ARB2A: variants seen among roughly 807,000 people sequenced by gnomAD.
ARB2A encodes the protein cotranscriptional regulator ARB2A.
the ARB2A span, among the ~76,000 whole-genome samples, chr5:93,631,794 G>C: frequency 6.7e-6 from 1 of 149,890 alleles, no homozygotes; most frequent in South Asian, 2.2e-4. Flanking sequence ...GGGGGGAGGG[G>C]GATAGGGAGA....
chr5:93,876,986 G>A, the ARB2A span, among the ~76,000 whole-genome samples: 44 of 152,056 alleles, frequency 2.9e-4, no homozygotes, highest in Admixed American at 7.2e-4. Flanking sequence ...GATTTTTGAC[G>A]GATGTCAACA....
At chr5:94,050,597 CA>C in the ARB2A span, 15,064 of 496,206 alleles carry the variant, frequency 0.03, 2 homozygotes, top group South Asian at 0.039. Context: ...TAAAAAGGAA[CA>C]AAAAAAAAAA....
the ARB2A span, among the ~76,000 whole-genome samples, chr5:93,883,835 CGTGA>C: frequency 4.0e-5 from 6 of 150,344 alleles, no homozygotes; most frequent in Non-Finnish European, 5.9e-5. Flanking sequence ...GATTCTGTAC[CGTGA>C]GTAAGTGGTC....
chr5:93,773,413 A>T, the ARB2A span, among the ~76,000 whole-genome samples: 46 of 152,280 alleles, frequency 3.0e-4, 1 homozygote, highest in East Asian at 1.9e-3. Flanking sequence ...CAATGCAGGA[A>T]ATGCTCCAGA....
At chr5:93,647,478 G>A in the ARB2A span, among the ~76,000 whole-genome samples, 21 of 148,700 alleles carry the variant, frequency 1.4e-4, no homozygotes, top group Non-Finnish European at 2.4e-4. Context: ...CGCTGGCCTC[G>A]GCCTCCCGAA....
chr5:94,067,935 A>G, the ARB2A span, among the ~76,000 whole-genome samples: 1 of 152,206 alleles, frequency 6.6e-6, no homozygotes, highest in Non-Finnish European at 1.5e-5. Context: ...ACAAAGTTAC[A>G]GTAACCAAAA....
chr5:94,094,337 C>A, the ARB2A span, among the ~76,000 whole-genome samples: 7 of 152,010 alleles, frequency 4.6e-5, no homozygotes, highest in Non-Finnish European at 8.8e-5. Flanking sequence ...AGAAAGTGAC[C>A]AGGAGAATGG....
the ARB2A span, among the ~76,000 whole-genome samples, chr5:94,050,143 T>C: frequency 6.6e-6 from 1 of 152,128 alleles, no homozygotes; most frequent in Non-Finnish European, 1.5e-5. Context: ...TCTTGCTATA[T>C]TGTCCAGGCT....
chr5:94,052,312 A>C, the ARB2A span, among the ~76,000 whole-genome samples: 14 of 152,240 alleles, frequency 9.2e-5, no homozygotes, highest in African/African-American at 2.4e-4. Flanking sequence ...ACTGGTATAA[A>C]ATAACTTTTA....
the ARB2A span, among the ~76,000 whole-genome samples, chr5:93,649,974 G>A: frequency 6.6e-6 from 1 of 152,118 alleles, no homozygotes; most frequent in African/African-American, 2.4e-5. Context: ...AGGATCCAGA[G>A]ACTCAACAAC....
chr5:93,665,442 G>C, the ARB2A span, among the ~76,000 whole-genome samples: 1 of 152,220 alleles, frequency 6.6e-6, no homozygotes, highest in African/African-American at 2.4e-5. Flanking sequence ...ATAGTACCCA[G>C]GGTTCACAAC....
At chr5:93,741,374 G>T in the ARB2A span, 1 of 1,612,248 alleles carries the variant, frequency 6.2e-7, no homozygotes, top group Admixed American at 1.7e-5. Flanking sequence ...GGACCCAGGG[G>T]AATCCTCCAC....
chr5:93,928,881 G>C, the ARB2A span, among the ~76,000 whole-genome samples: 1 of 151,988 alleles, frequency 6.6e-6, no homozygotes, highest in South Asian at 2.1e-4. Context: ...ACATATATTA[G>C]AGAAGAAATA....
chr5:93,861,168 TC>T, the ARB2A span: 2 of 152,214 alleles, frequency 1.3e-5, no homozygotes, highest in African/African-American at 4.8e-5. Flanking sequence ...TGTTAAACTT[TC>T]TAGTCAAACC....
chr5:93,848,387 T>TAAAAAAAA, the ARB2A span, among the ~76,000 whole-genome samples: 1 of 131,620 alleles, frequency 7.6e-6, no homozygotes. Context: ...GTCTAAAGAT[T>TAAAAAAAA]AAAAAAAAAA....
At chr5:93,650,878 G>C in the ARB2A span, among the ~76,000 whole-genome samples, 2 of 151,762 alleles carry the variant, frequency 1.3e-5, no homozygotes, top group South Asian at 4.2e-4. Context: ...TATAAACCCA[G>C]CTTCTTGGGA....
At chr5:93,859,173 T>C in the ARB2A span, among the ~76,000 whole-genome samples, 1 of 152,158 alleles carries the variant, frequency 6.6e-6, no homozygotes, top group Non-Finnish European at 1.5e-5. Context: ...AAAAATGCTA[T>C]TAGGAAAACT....
chr5:93,664,892 T>C, the ARB2A span, among the ~76,000 whole-genome samples: 1 of 152,072 alleles, frequency 6.6e-6, no homozygotes, highest in Non-Finnish European at 1.5e-5. Context: ...AATGGCACAA[T>C]CTTGGCTCAC....
the ARB2A span, among the ~76,000 whole-genome samples, chr5:93,904,325 T>C: frequency 6.6e-6 from 1 of 151,950 alleles, no homozygotes; most frequent in African/African-American, 2.4e-5. Flanking sequence ...GTAGACTAGA[T>C]TAGATTAGAA....
Sources: gnomAD v4.1 joint callset for allele counts (sites outside exome capture counted in the v4.1 genomes callset) on GRCh38, gnomAD v4.1.1 for gene constraint, MANE v1.5 for transcripts, NCBI Gene and HGNC (gene_info 2026-07-23, HGNC 2026-07-21) for gene names.